CDH15: variants seen among roughly 807,000 people sequenced by gnomAD.
CDH15 encodes cadherin 15.
In CDH15, 73 loss-of-function variants were observed where a neutral mutation model predicts 69.4. That is an observed-to-expected ratio of 1.05 (90% CI 0.87 to 1.28). CDH15 has a LOEUF of 1.28. CDH15 is among the 50% of genes most tolerant of loss of function. The probability of loss-of-function intolerance (pLI) is 0.00; values close to 1 mark genes in which losing one functional copy is unlikely to be tolerated. For synonymous variants in CDH15, 624 were observed against 507.7 expected (o/e 1.23, Z -3.08); for missense variants, 1,343 against 1,133.6 (o/e 1.18, Z -2.65).
Position 89,171,813 on chromosome 16 carries a change from G to C in CDH15, c.-19G>C. ...TCGGGTCGCGGGTGCACTCCGGCCC[G>C]GCTCCCGCCTCGGCCCCGATGGACG... On this transcript the variant is annotated 5_prime_UTR_variant, in exon 1 of 14. Coordinates refer to ENST00000289746, the MANE Select transcript of CDH15 (RefSeq NM_004933.3). The C allele has an allele frequency of 1.3e-6, 2 of 1,547,858 alleles. No homozygotes were observed. Among genetic ancestry groups the C allele is most frequent in the Non-Finnish European group, 1.7e-6 (2 of 1,150,080 alleles).
chr16:89,172,723 A>C (rs1272819962), intron 1 of CDH15, among the ~76,000 whole-genome samples: 1 of 152,120 alleles, frequency 6.6e-6, no homozygotes, highest in Middle Eastern at 3.2e-3. Flanking sequence ...GGACCTAGAC[A>C]TGGAGGATGT....
Position 89,191,912 on chromosome 16 carries a change from C to G in CDH15, c.1615+18C>G, listed in dbSNP as rs1915654717. 6.5e-7 allele frequency: 1 copy of G among 1,533,698 alleles called. No individual in the cohort carries two copies. The highest frequency in any genetic ancestry group is 8.7e-7 in the Non-Finnish European group (1 of 1,144,702). ...GGTCAACGGTGCGCTCCCCTCACCGCCGCGCTCCCCCCATCCCCACGCTCC... is the reference window on the plus strand; with the variant it reads ...GGTCAACGGTGCGCTCCCCTCACCGGCGCGCTCCCCCCATCCCCACGCTCC... On this transcript the variant is annotated intron_variant, in intron 10 of 13. Coordinates refer to ENST00000289746, the MANE Select transcript of CDH15 (RefSeq NM_004933.3).
At chr16:89,191,249 C>T (rs1305994076) in intron 8 of CDH15, 81 bp from the exon 9 acceptor site, 1 of 1,512,824 alleles carries the variant, frequency 6.6e-7, no homozygotes, top group Non-Finnish European at 9.1e-7. Context: ...GTGTGCAGTG[C>T]ATGTCACGCA....
At chr16:89,172,987 T>C (rs562489141) in intron 1 of CDH15, among the ~76,000 whole-genome samples, 1 of 152,226 alleles carries the variant, frequency 6.6e-6, no homozygotes, top group South Asian at 2.1e-4. Flanking sequence ...AGTCCCCTCA[T>C]TCCCACAGGC....
chr16:89,175,989 A>G (rs1915247853), intron 1 of CDH15, among the ~76,000 whole-genome samples: 1 of 152,248 alleles, frequency 6.6e-6, no homozygotes, highest in African/African-American at 2.4e-5. Flanking sequence ...CCCTGGGCAC[A>G]GGACACAGTC....
At chr16:89,184,305 T>TC (rs1371053499) in intron 4 of CDH15, among the ~76,000 whole-genome samples, 2 of 152,118 alleles carry the variant, frequency 1.3e-5, no homozygotes, top group Non-Finnish European at 1.5e-5. Flanking sequence ...GCTCCAGCTG[T>TC]CCCGGGGGGA....
Position 89,190,333 on chromosome 16 carries a change from C to T in CDH15, c.1069C>T (p.Arg357Trp), listed in dbSNP as rs528034598. 8 of 1,612,130 alleles carry T rather than the reference C, an allele frequency of 5.0e-6. No homozygotes were observed. The highest frequency in any genetic ancestry group is 3.3e-5 in the South Asian group (3 of 90,964). Reference protein sequence around the residue: ...PLQAAALRAERGQAKVRVHVQ... With the variant: ...PLQAAALRAEWGQAKVRVHVQ... The stretch of plus-strand genomic sequence containing the variant: ...GCAGGCGGCTGCCCTTAGGGCTGAG[C>T]GGGGCCAGGCCAAGGTCCGCGTGCA... Residue 357 changes from arginine (R) to tryptophan (W), a missense_variant, in exon 8 of 14, where the codon CGG becomes TGG. Coordinates refer to ENST00000289746, the MANE Select transcript of CDH15 (RefSeq NM_004933.3).
chr16:89,179,255 G>T (rs1042558700), intron 1 of CDH15, among the ~76,000 whole-genome samples, 161 bp from the exon 2 acceptor site: 7 of 152,220 alleles, frequency 4.6e-5, no homozygotes, highest in African/African-American at 1.7e-4. Context: ...GTGCTACGCA[G>T]CCCCGTGTGT....
Position 89,171,869 on chromosome 16 carries a change from C to G in CDH15, c.38C>G (p.Ala13Gly). 1.9e-6 allele frequency: 3 copies of G among 1,558,056 alleles called. No homozygotes were observed. Among genetic ancestry groups the G allele is most frequent in the Non-Finnish European group, 2.6e-6 (3 of 1,154,826 alleles). ...AAFLLVLGLL[A>G]QSLCLSLGVP... The stretch of plus-strand genomic sequence containing the variant: ...TTCCTCCTCGTCCTCGGGCTGTTGG[C>G]CCAGGTAAGGCATCGGCACCTGCGG... The change falls in exon 1 of 14, where the codon GCC becomes GGC. Residue 13 changes from alanine to glycine, a missense_variant. Transcript: ENST00000289746.
rs761870788 is a variant in CDH15, at chr16:89,195,033, C to T, written c.2323C>T (p.Arg775Trp). 2.0e-5 allele frequency: 33 copies of T among 1,612,278 alleles called. No homozygotes were observed. The highest frequency in any genetic ancestry group is 1.6e-4 in the Middle Eastern group (1 of 6,070). The change falls in exon 14 of 14, where the codon CGG becomes TGG. Residue 775 changes from arginine (R) to tryptophan (W), a missense_variant. By Grantham distance (101) the Arg-to-Trp change is moderately radical. Transcript: ENST00000289746. ...CAGAGACTGGGGGCCCCGCTTCGCC[C>T]GGCTGGCAGACATGTATGGGCACCC... ...YLRDWGPRFA[R>W]LADMYGHPCG...
intron 3 of CDH15, among the ~76,000 whole-genome samples, chr16:89,181,636 CA>C (rs1367046354): frequency 2.7e-4 from 39 of 143,494 alleles, no homozygotes; most frequent in East Asian, 6.1e-4. Flanking sequence ...GACCCTCTCT[CA>C]AAAAAAAAAG....
At chr16:89,187,995 G>T in intron 6 of CDH15, 105 bp from the exon 7 acceptor site, 1 of 1,008,218 alleles carries the variant, frequency 9.9e-7, no homozygotes, top group South Asian at 1.4e-5. Flanking sequence ...CTGCTGGGAG[G>T]CAGGAGGGAG....
intron 1 of CDH15, among the ~76,000 whole-genome samples, chr16:89,173,502 G>T (rs1466896298): frequency 2.0e-5 from 3 of 152,184 alleles, no homozygotes; most frequent in Non-Finnish European, 4.4e-5. Context: ...ACAGCTGGAG[G>T]CTGGGGGAGG....
intron 11 of CDH15, 67 bp from the exon 12 acceptor site, chr16:89,193,403 T>C: frequency 1.3e-6 from 1 of 742,478 alleles, no homozygotes; most frequent in Non-Finnish European, 1.9e-6. Flanking sequence ...TCCCACCTCC[T>C]TCGCAGCCCG....
At chr16:89,180,451 G>A in intron 3 of CDH15, 96 bp downstream of exon 3, 1 of 1,389,562 alleles carries the variant, frequency 7.2e-7, no homozygotes, top group South Asian at 1.2e-5. Flanking sequence ...CCCGCTCGGT[G>A]GGCTTCAGGC....
chr16:89,177,095 C>G (rs1915273753), intron 1 of CDH15, among the ~76,000 whole-genome samples: 1 of 151,638 alleles, frequency 6.6e-6, no homozygotes, highest in Admixed American at 6.6e-5. Context: ...GCCTCCCACC[C>G]TGCCCACCCC....
intron 12 of CDH15, 27 bp from the exon 13 acceptor site, chr16:89,193,728 G>C: frequency 6.3e-7 from 1 of 1,598,222 alleles, no homozygotes. Context: ...AGGGATGCCT[G>C]GCTCTGTTCC....
At position 89,193,477 on chromosome 16, in the gene CDH15, C is replaced by T. The variant is rs142819193; in HGVS notation, c.1863C>T (p.Val621=). The T allele has an allele frequency of 6.2e-7, 1 of 1,610,702 alleles. No individual in the cohort carries two copies. The highest frequency in any genetic ancestry group is 8.5e-7 in the Non-Finnish European group (1 of 1,179,360). Residue 621 remains valine, a synonymous_variant, in exon 12 of 14, where the codon GTC becomes GTT. Coordinates refer to ENST00000289746, the MANE Select transcript of CDH15 (RefSeq NM_004933.3). ...LASALLLLVL[V]LLVALRARFW... is the part of the protein sequence containing the mutation. ...CGTCCCCTCATTCCCCAGTGCTGGTCCTGCTCGTGGCACTCCGGGCGCGGT... is the reference window on the plus strand; with the variant it reads ...CGTCCCCTCATTCCCCAGTGCTGGTTCTGCTCGTGGCACTCCGGGCGCGGT...
chr16:89,172,142 A>G (rs994196905), intron 1 of CDH15, among the ~76,000 whole-genome samples: 3 of 151,932 alleles, frequency 2.0e-5, no homozygotes, highest in African/African-American at 7.3e-5. Context: ...GGCAGGGGCC[A>G]CCCAGGTAGC....
Sources: allele counts gnomAD v4.1 joint callset (sites outside exome capture counted in the v4.1 genomes callset), GRCh38; gene constraint gnomAD v4.1.1; transcripts MANE v1.5; gene names NCBI Gene and HGNC (gene_info 2026-07-23, HGNC 2026-07-21).